Variants in CAMKMT observed in about 807,000 individuals in gnomAD.
The protein encoded by CAMKMT is CaM KMT.
CAMKMT carries 53 observed loss-of-function variants against 48.0 expected under a neutral mutation model. The ratio of observed to expected loss-of-function variants is 1.10; its 90% confidence interval spans 0.89 to 1.39. The LOEUF is 1.39. Ranked by LOEUF, CAMKMT falls within the 40% of genes most tolerant of loss-of-function variation. CAMKMT has a pLI of 0.00. For synonymous variants in CAMKMT, 165 were observed against 152.3 expected, an observed-to-expected ratio of 1.08 and a Z score of -0.61; for missense variants, 428 against 402.7, an observed-to-expected ratio of 1.06 and a Z score of -0.54.
At chr2:44,553,441 ACC>A (rs1667833841) in intron 3 of CAMKMT, among the ~76,000 whole-genome samples, 1 of 151,222 alleles carries the variant, frequency 6.6e-6, no homozygotes, top group African/African-American at 2.4e-5. Flanking sequence ...GCTTACTGTA[ACC>A]TCCACCTCCT....
intron 1 of CAMKMT, among the ~76,000 whole-genome samples, chr2:44,364,331 T>A (rs761696617): frequency 1.3e-5 from 2 of 152,184 alleles, no homozygotes; most frequent in Non-Finnish European, 2.9e-5. Flanking sequence ...ACTTGGTGAA[T>A]GATTGTTCAT....
At chr2:44,551,808 T>C (rs1468649890) in intron 3 of CAMKMT, among the ~76,000 whole-genome samples, 3 of 152,156 alleles carry the variant, frequency 2.0e-5, no homozygotes, top group Admixed American at 6.5e-5. Flanking sequence ...ATCTTCATAA[T>C]AGTCCTGAGA....
chr2:44,382,134 G>T (rs990570077), intron 2 of CAMKMT, among the ~76,000 whole-genome samples: 1 of 151,950 alleles, frequency 6.6e-6, no homozygotes, highest in Non-Finnish European at 1.5e-5. Flanking sequence ...TAGAGACAGG[G>T]TTTCACCATG....
rs1666483291 is a variant in CAMKMT at position 44,439,224 on chromosome 2, A to G, written c.376+48919A>G. Among the ~76,000 whole-genome samples the G allele has an allele frequency of 1.3e-5, 2 of 152,152 alleles. 1 individual carries two copies. The highest frequency in any genetic ancestry group is 4.1e-4 in the South Asian group (2 of 4,828). The stretch of plus-strand genomic sequence containing the variant: ...AAACATTAAGAACTCTCATTGGGAC[A>G]CAGTTTATTATACTACATTCTTTCT... On this transcript the variant is annotated intron_variant, in intron 3 of 10. Transcript: ENST00000378494.
intron 3 of CAMKMT, among the ~76,000 whole-genome samples, chr2:44,458,164 A>G (rs1667671677): frequency 6.8e-6 from 1 of 146,860 alleles, no homozygotes; most frequent in Non-Finnish European, 1.5e-5. Context: ...TTCCCACCTC[A>G]GCCTCCCACA....
chr2:44,370,977 A>G (rs1311844642), intron 1 of CAMKMT, among the ~76,000 whole-genome samples: 3 of 152,032 alleles, frequency 2.0e-5, no homozygotes, highest in Middle Eastern at 3.4e-3. Flanking sequence ...CATCCTACTA[A>G]TTATTTTTAT....
chr2:44,435,712 A>G, intron 3 of CAMKMT, among the ~76,000 whole-genome samples: 1 of 152,216 alleles, frequency 6.6e-6, no homozygotes, highest in East Asian at 1.9e-4. Flanking sequence ...ACTACTTAAG[A>G]AGTGAGAATG....
intron 9 of CAMKMT, among the ~76,000 whole-genome samples, chr2:44,765,456 TAA>T (rs1680797831): frequency 6.6e-6 from 1 of 151,198 alleles, no homozygotes; most frequent in Admixed American, 6.6e-5. Context: ...CCTCAAAACC[TAA>T]AGAGGCATTT....
chr2:44,763,451 T>G (rs1027868709), intron 9 of CAMKMT, among the ~76,000 whole-genome samples: 1 of 152,242 alleles, frequency 6.6e-6, no homozygotes, highest in Admixed American at 6.5e-5. Context: ...ATTTAGTTTA[T>G]TGTCTCATCA....
chr2:44,475,237 T>C (rs1558643566), intron 3 of CAMKMT, among the ~76,000 whole-genome samples: 3 of 152,168 alleles, frequency 2.0e-5, no homozygotes, highest in Non-Finnish European at 1.5e-5. Context: ...AGTAAGTGGT[T>C]GGACTTGTTC....
At chr2:44,612,793 G>C (rs544300921) in intron 3 of CAMKMT, among the ~76,000 whole-genome samples, 1 of 152,312 alleles carries the variant, frequency 6.6e-6, no homozygotes, top group African/African-American at 2.4e-5. Context: ...AAAACTCATT[G>C]AACTGATAAC....
intron 7 of CAMKMT, among the ~76,000 whole-genome samples, chr2:44,718,049 T>G (rs1678264730): frequency 6.6e-6 from 1 of 152,106 alleles, no homozygotes; most frequent in Admixed American, 6.5e-5. Flanking sequence ...CTATTATACC[T>G]TACTTTGATA....
intron 3 of CAMKMT, among the ~76,000 whole-genome samples, chr2:44,466,249 C>A (rs1248977950): frequency 6.6e-6 from 1 of 152,142 alleles, no homozygotes; most frequent in East Asian, 1.9e-4. Flanking sequence ...ACATATAGAA[C>A]GTTTTCCAGT....
chr2:44,502,547 C>T (rs2104744876), intron 3 of CAMKMT, among the ~76,000 whole-genome samples: 3 of 152,318 alleles, frequency 2.0e-5, no homozygotes, highest in Admixed American at 2.0e-4. Flanking sequence ...TTGATAATGT[C>T]TTGCCTTGAT....
In CAMKMT at chr2:44,745,448, G is replaced by A. The variant is rs552856155; in HGVS notation, c.698+1752G>A. 6.6e-5 allele frequency among the ~76,000 whole-genome samples: 10 copies of A among 152,172 alleles called. No homozygotes were observed. In the East Asian group the frequency reaches 1.2e-3, roughly 18 times the overall value. On this transcript the variant is annotated intron_variant, in intron 8 of 10. Coordinates refer to ENST00000378494, the MANE Select transcript of CAMKMT (RefSeq NM_024766.5). ...GGAAAACATTCTTTTTTCCCTAGCCGACAACAGGGTCACGTACACTGATAT... is the reference window on the plus strand; with the variant it reads ...GGAAAACATTCTTTTTTCCCTAGCCAACAACAGGGTCACGTACACTGATAT...
intron 3 of CAMKMT, among the ~76,000 whole-genome samples, chr2:44,625,080 C>A (rs937673792): frequency 2.0e-5 from 3 of 152,218 alleles, no homozygotes; most frequent in Non-Finnish European, 1.5e-5. Context: ...CCAGACTGTT[C>A]TCTAAAGTGA....
chr2:44,476,515 A>T (rs774168370), intron 3 of CAMKMT, among the ~76,000 whole-genome samples: 2 of 152,140 alleles, frequency 1.3e-5, no homozygotes, highest in Non-Finnish European at 2.9e-5. Flanking sequence ...CAAGAATATA[A>T]GTGAAATATT....
intron 1 of CAMKMT, among the ~76,000 whole-genome samples, chr2:44,369,446 A>G (rs1462909210): frequency 6.6e-6 from 1 of 152,154 alleles, no homozygotes; most frequent in African/African-American, 2.4e-5. Context: ...AAACCACTCT[A>G]GCTACTTTAA....
intron 7 of CAMKMT, among the ~76,000 whole-genome samples, chr2:44,725,143 C>CATGT (rs549860357): frequency 5.7e-5 from 8 of 140,646 alleles, no homozygotes; most frequent in African/African-American, 2.1e-4. Context: ...GCTTTCTGGA[C>CATGT]GTGTGTGTGT....
Sources: allele counts gnomAD v4.1 joint callset (sites outside exome capture counted in the v4.1 genomes callset), GRCh38; gene constraint gnomAD v4.1.1; transcripts MANE v1.5; gene names NCBI Gene and HGNC (gene_info 2026-07-23, HGNC 2026-07-21).